KCNQ2: variants seen among roughly 807,000 people sequenced by gnomAD.
The protein encoded by KCNQ2 is potassium voltage-gated channel subfamily KQT member 2.
Under a neutral mutation model 84.8 loss-of-function variants are expected in KCNQ2, and 14 were observed. That is an observed-to-expected ratio of 0.17 (90% CI 0.11 to 0.26). The LOEUF (loss-of-function observed/expected upper bound fraction) is 0.26, where lower values mean the gene tolerates loss of function less well. Ranked by LOEUF, KCNQ2 falls within the 10% of genes least tolerant of loss-of-function variation. KCNQ2 has a pLI of 1.00. For synonymous variants in KCNQ2, 599 were observed against 554.1 expected, an observed-to-expected ratio of 1.08 and a Z score of -1.14; for missense variants, 788 against 1,254.0, an observed-to-expected ratio of 0.63 and a Z score of 5.61.
At chr20:63,442,641 CCAA>C (rs1184520502) in intron 4 of KCNQ2, 110 bp from the exon 5 acceptor site, 4 of 1,088,978 alleles carry the variant, frequency 3.7e-6, no homozygotes, top group Non-Finnish European at 4.0e-6. Context: ...ATCACCACCA[CCAA>C]AACCATCACC....
intron 1 of KCNQ2, among the ~76,000 whole-genome samples, chr20:63,454,779 G>A (rs1011819500): frequency 6.6e-6 from 1 of 152,254 alleles, no homozygotes; most frequent in African/African-American, 2.4e-5. Context: ...GGCCTCGGGA[G>A]AGGAGGCTCC....
intron 1 of KCNQ2, chr20:63,447,239 G>A (rs1011515811): frequency 7.3e-6 from 2 of 275,154 alleles, no homozygotes; most frequent in Non-Finnish European, 1.4e-5. Context: ...ACAGGAACAA[G>A]CAAAACCCCT....
At position 63,438,298 on chromosome 20, in the gene KCNQ2, GAGCCT is replaced by G; in HGVS notation, c.1023+322_1023+326del. On this transcript the variant is annotated intron_variant, in intron 7 of 16. Coordinates refer to ENST00000359125, the MANE Select transcript of KCNQ2 (RefSeq NM_172107.4). The surrounding 1 kb of genome is among the most constrained non-coding windows in gnomAD (Gnocchi z 5.1). ...ACTCACTGCAGTGTGTGGGCTCTAG[GAGCCT>G]TGGCCCTGCAGCTGCAGAACGGGTG... is the stretch of plus-strand genomic sequence containing the variant. 4.4e-6 allele frequency: 2 copies of G among 458,814 alleles called. No homozygotes were observed. The highest frequency in any genetic ancestry group is 3.4e-5 in the Admixed American group (1 of 29,396). The allele number at this position is 458,814 out of a possible 1,614,324, so 28.4% of individuals were successfully genotyped here.
intron 1 of KCNQ2, among the ~76,000 whole-genome samples, chr20:63,453,256 G>A (rs889948393): frequency 6.6e-6 from 1 of 152,256 alleles, no homozygotes; most frequent in Non-Finnish European, 1.5e-5. Flanking sequence ...TCGCCAGGGG[G>A]CACTCGGCCC....
intron 11 of KCNQ2, 30 bp downstream of exon 11, chr20:63,424,147 G>C: frequency 6.4e-7 from 1 of 1,553,588 alleles, no homozygotes; most frequent in South Asian, 1.2e-5. Flanking sequence ...GCACACGGCA[G>C]ACACCAGGGT....
rs13036409 is a variant in KCNQ2 at position 63,445,635 on chromosome 20, T to C, written c.388-271A>G. The C allele has an allele frequency of 0.062, 13,390 of 214,648 alleles. 4,341 individuals carry two copies. Among genetic ancestry groups the C allele is most frequent in the African/African-American group, 0.25 (2,450 of 9,916 alleles). 13.3% of individuals were successfully genotyped at this position (214,648 alleles called of 1,614,324 possible). A position where few individuals can be genotyped will look rare whatever the true frequency, so the allele number is the denominator to read the frequency against. Reference sequence around the variant, plus strand: ...CCCTGTCTGAGCTGGGGACTCTATCTGGGCTAGGGGACCATGTCTGAGCTG... The same window carrying C: ...CCCTGTCTGAGCTGGGGACTCTATCCGGGCTAGGGGACCATGTCTGAGCTG... On this transcript the variant is annotated intron_variant, in intron 2 of 16. Transcript: ENST00000359125.
chr20:63,403,946 T>C lies in KCNQ2; in HGVS notation c.*2698A>G, dbSNP rs755752933. 1 of 152,258 alleles carries C rather than the reference T, an allele frequency of 6.6e-6. No homozygotes were observed. Among genetic ancestry groups the C allele is most frequent in the Non-Finnish European group, 1.5e-5 (1 of 68,056 alleles). The allele number at this position is 152,258 out of a possible 1,614,324, so 9.4% of individuals were successfully genotyped here. ...GAGGTGGGGCAGTAGGTGGCTGCACTGCTCAGGCTAGAGTCTGGGGGGGCC... is the reference window on the plus strand; with the variant it reads ...GAGGTGGGGCAGTAGGTGGCTGCACCGCTCAGGCTAGAGTCTGGGGGGGCC... On this transcript the variant is annotated 3_prime_UTR_variant, in exon 17 of 17. Coordinates refer to ENST00000359125, the MANE Select transcript of KCNQ2 (RefSeq NM_172107.4).
rs2145462486 is a variant in KCNQ2, at chr20:63,404,042, C to T, written c.*2602G>A. ...AACCATCCCAGGACGTGCACCTTCC[C>T]TCTTCCCAGGGCCCAGAGACTTCCC... is the stretch of plus-strand genomic sequence containing the variant. On this transcript the variant is annotated 3_prime_UTR_variant, in exon 17 of 17. Coordinates refer to ENST00000359125, the MANE Select transcript of KCNQ2 (RefSeq NM_172107.4). 1 of 152,624 alleles carries T rather than the reference C, an allele frequency of 6.6e-6. No homozygotes were observed. The highest frequency in any genetic ancestry group is 6.5e-5 in the Admixed American group (1 of 15,300). The allele number at this position is 152,624 out of a possible 1,614,324, so 9.5% of individuals were successfully genotyped here.
intron 1 of KCNQ2, chr20:63,466,644 C>T (rs1309864420): frequency 6.6e-6 from 1 of 152,228 alleles, no homozygotes; most frequent in Non-Finnish European, 1.5e-5. Flanking sequence ...TCCCGGCGGC[C>T]ATCACGTGAC....
At chr20:63,428,325 A>T in intron 10 of KCNQ2, 42 bp downstream of exon 10, 1 of 1,476,308 alleles carries the variant, frequency 6.8e-7, no homozygotes, top group Non-Finnish European at 9.3e-7. Flanking sequence ...CCCCAGGAGG[A>T]CTGAGACGCC....
At chr20:63,424,353 C>T in intron 10 of KCNQ2, 147 bp from the exon 11 acceptor site, 1 of 913,398 alleles carries the variant, frequency 1.1e-6, no homozygotes, top group Non-Finnish European at 1.7e-6. Flanking sequence ...TGGAGCTGGC[C>T]CACCCACCCC....
intron 1 of KCNQ2, among the ~76,000 whole-genome samples, chr20:63,452,684 A>G (rs553848933): frequency 6.6e-6 from 1 of 152,292 alleles, no homozygotes; most frequent in East Asian, 1.9e-4. Context: ...GGCACAGAAC[A>G]CCCTGACTGA....
At chr20:63,440,645 C>G (rs2081133871) in intron 5 of KCNQ2, among the ~76,000 whole-genome samples, 1 of 152,206 alleles carries the variant, frequency 6.6e-6, no homozygotes, top group Non-Finnish European at 1.5e-5. Flanking sequence ...GACCTCTCAC[C>G]AGGACCTGCA....
rs2080782453 is a variant in KCNQ2, at chr20:63,431,374, C to T, written c.1119-5G>A. The T allele has an allele frequency of 6.2e-7, 1 of 1,613,716 alleles. No individual in the cohort carries two copies. Among genetic ancestry groups the T allele is most frequent in the Non-Finnish European group, 8.5e-7 (1 of 1,179,900 alleles). On this transcript the variant is annotated splice_region_variant and splice_polypyrimidine_tract_variant and intron_variant, in intron 8 of 16. Transcript: ENST00000359125. The stretch of plus-strand genomic sequence containing the variant: ...CCGTAGGTTTGAGTTTGCGAACTTT[C>T]AAGTGTTTCCACACACACAAAGGGA...
At chr20:63,419,490 C>T in intron 12 of KCNQ2, 129 bp downstream of exon 12, 1 of 901,644 alleles carries the variant, frequency 1.1e-6, no homozygotes, top group Non-Finnish European at 1.7e-6. Context: ...CCCGCACCGC[C>T]AGGGCGGTGG....
intron 15 of KCNQ2, chr20:63,410,006 C>T (rs974419893): frequency 1.1e-5 from 3 of 284,952 alleles, no homozygotes; most frequent in South Asian, 8.7e-5. Flanking sequence ...GTGTTATCTT[C>T]TTTCTGTTGC....
In KCNQ2 at chr20:63,438,512, G is replaced by A. The variant is rs374882846; in HGVS notation, c.1023+113C>T. On this transcript the variant is annotated intron_variant, in intron 7 of 16. Coordinates refer to ENST00000359125, the MANE Select transcript of KCNQ2 (RefSeq NM_172107.4). This position sits in a 1 kb window ranked among gnomAD's most constrained non-coding sequence, Gnocchi z 5.1. ...CCACAGATTCCTGCAGAGGGTGAGC[G>A]CTGTGGCCCATCCACAGACAGGGCA... The A allele has an allele frequency of 0.014, 12,179 of 855,764 alleles. 1,046 individuals carry two copies. In the South Asian group the frequency reaches 0.15, roughly 11 times the overall value. The allele number at this position is 855,764 out of a possible 1,614,324, so 53.0% of individuals were successfully genotyped here.
In KCNQ2 at chr20:63,406,498, TCAGCCCACATGGGCCCCTCCA is replaced by T. The variant is rs990032901; in HGVS notation, c.*125_*145del. The T allele has an allele frequency of 1.3e-5, 13 of 968,118 alleles. No individual in the cohort carries two copies. The highest frequency in any genetic ancestry group is 1.8e-5 in the Non-Finnish European group (12 of 674,886). The allele number at this position is 968,118 out of a possible 1,614,324, so 60.0% of individuals were successfully genotyped here. On this transcript the variant is annotated 3_prime_UTR_variant, in exon 17 of 17. Transcript: ENST00000359125. ...GGTCACTGCCAGGAGCCCCCATCCT[TCAGCCCACATGGGCCCCTCCA>T]GGGCCCACCCTTCCCGCCACACTCA...
Position 63,406,624 on chromosome 20 carries a change from T to G in KCNQ2, c.*20A>C, listed in dbSNP as rs1316941353. 6.3e-7 allele frequency: 1 copy of G among 1,576,236 alleles called. No homozygotes were observed. The highest frequency in any genetic ancestry group is 1.7e-5 in the Admixed American group (1 of 57,454). On this transcript the variant is annotated 3_prime_UTR_variant, in exon 17 of 17. Transcript: ENST00000359125. Reference sequence around the variant, plus strand: ...CGTGCTGAGGAGGGCCGCGGGCGGGTCCACTGGCCCAGCGCCGCCTCACTT... The same window carrying G: ...CGTGCTGAGGAGGGCCGCGGGCGGGGCCACTGGCCCAGCGCCGCCTCACTT...
Sources: allele counts gnomAD v4.1 joint callset (sites outside exome capture counted in the v4.1 genomes callset), GRCh38; gene constraint gnomAD v4.1.1; non-coding constraint Gnocchi (gnomAD v3.1); transcripts MANE v1.5; gene names NCBI Gene and HGNC (gene_info 2026-07-23, HGNC 2026-07-21).